NPAS3: variants seen among roughly 807,000 people sequenced by gnomAD.
NPAS3 encodes the protein neuronal PAS domain-containing protein 3.
In NPAS3, 14 loss-of-function variants were observed where a neutral mutation model predicts 73.1. The ratio of observed to expected loss-of-function variants is 0.19; its 90% CI spans 0.13 to 0.30. The LOEUF is 0.30. Ranked by LOEUF, NPAS3 falls within the 10% of genes least tolerant of loss-of-function variation. NPAS3 has a pLI of 1.00. For synonymous variants in NPAS3, 620 were observed against 541.5 expected (o/e 1.14, Z -2.01); for missense variants, 1,096 against 1,250.0 (o/e 0.88, Z 1.86).
chr14:33,062,388 A>G (rs912863434), intron 2 of NPAS3, among the ~76,000 whole-genome samples: 2 of 152,078 alleles, frequency 1.3e-5, no homozygotes, highest in African/African-American at 2.4e-5. Context: ...GACTCTCCCA[A>G]TGTGAAATCC....
intron 6 of NPAS3, among the ~76,000 whole-genome samples, chr14:33,723,437 G>A (rs758900598): frequency 2.0e-5 from 3 of 152,150 alleles, no homozygotes; most frequent in Non-Finnish European, 4.4e-5. Flanking sequence ...AAATTCAAAT[G>A]TAATGGGGCA....
chr14:33,474,067 G>T (rs1460998026), intron 4 of NPAS3, among the ~76,000 whole-genome samples: 2 of 152,150 alleles, frequency 1.3e-5, no homozygotes, highest in South Asian at 2.1e-4. Context: ...AGATCACTGA[G>T]ATCCTGCACC....
intron 3 of NPAS3, among the ~76,000 whole-genome samples, chr14:33,335,445 C>G (rs147786101): frequency 6.6e-6 from 1 of 152,076 alleles, no homozygotes; most frequent in African/African-American, 2.4e-5. Context: ...AGATGTCAGG[C>G]ATTTTGTTTG....
At chr14:33,481,360 T>G (rs1224226307) in intron 4 of NPAS3, among the ~76,000 whole-genome samples, 2 of 152,174 alleles carry the variant, frequency 1.3e-5, no homozygotes, top group Non-Finnish European at 2.9e-5. Flanking sequence ...TTAAGGAACA[T>G]TCAAATAAGG....
At chr14:33,430,355 A>G (rs1594893243) in intron 4 of NPAS3, among the ~76,000 whole-genome samples, 1 of 152,070 alleles carries the variant, frequency 6.6e-6, no homozygotes, top group East Asian at 1.9e-4. Flanking sequence ...ATAAACTGGT[A>G]GGTTATAGTT....
At chr14:33,771,966 A>G (rs973068800) in intron 7 of NPAS3, among the ~76,000 whole-genome samples, 2 of 152,224 alleles carry the variant, frequency 1.3e-5, no homozygotes, top group African/African-American at 4.8e-5. Flanking sequence ...GACTTTGGAC[A>G]GGGATGAGCC....
At chr14:33,358,532 C>T (rs1381752773) in intron 3 of NPAS3, among the ~76,000 whole-genome samples, 1 of 152,174 alleles carries the variant, frequency 6.6e-6, no homozygotes, top group Non-Finnish European at 1.5e-5. Context: ...GTTCACGTAA[C>T]TTCACTCCAT....
At chr14:33,425,803 T>C (rs575693457) in intron 4 of NPAS3, among the ~76,000 whole-genome samples, 1 of 152,182 alleles carries the variant, frequency 6.6e-6, no homozygotes, top group South Asian at 2.1e-4. Flanking sequence ...GAGAATGCAG[T>C]TATCAAACAT....
intron 6 of NPAS3, among the ~76,000 whole-genome samples, chr14:33,731,822 A>G (rs981431450): frequency 1.3e-5 from 2 of 152,246 alleles, no homozygotes; most frequent in Non-Finnish European, 2.9e-5. Context: ...TTTATTAAAA[A>G]GTTGAGACCT....
chr14:33,628,298 A>G (rs75812918), intron 5 of NPAS3, among the ~76,000 whole-genome samples: 3,499 of 152,332 alleles, frequency 0.023, 130 homozygotes, highest in African/African-American at 0.079. Context: ...TAGATCTATC[A>G]CAATGGGCTT....
chr14:33,309,478 C>T (rs41463953), intron 3 of NPAS3, among the ~76,000 whole-genome samples: 9,216 of 152,228 alleles, frequency 0.061, 644 homozygotes, highest in Admixed American at 0.2. Flanking sequence ...GTGGGCTGTG[C>T]GACTCTGCTG....
At chr14:33,152,153 G>A (rs1039759139) in intron 2 of NPAS3, among the ~76,000 whole-genome samples, 3 of 151,980 alleles carry the variant, frequency 2.0e-5, no homozygotes, top group African/African-American at 4.8e-5. Context: ...ACATCCTACA[G>A]TGCGCAGGAA....
At chr14:33,717,312 A>C (rs1414864108) in intron 6 of NPAS3, among the ~76,000 whole-genome samples, 1 of 151,304 alleles carries the variant, frequency 6.6e-6, no homozygotes, top group African/African-American at 2.4e-5. Flanking sequence ...CCTAGAGTTT[A>C]GTGACATAGG....
At chr14:33,602,637 C>A (rs1022811091) in intron 5 of NPAS3, among the ~76,000 whole-genome samples, 1 of 151,960 alleles carries the variant, frequency 6.6e-6, no homozygotes, top group Non-Finnish European at 1.5e-5. Flanking sequence ...GTTTTTTTTT[C>A]ATCCAGTGCT....
intron 5 of NPAS3, among the ~76,000 whole-genome samples, chr14:33,616,887 G>C (rs2057935984): frequency 6.6e-6 from 1 of 152,204 alleles, no homozygotes; most frequent in African/African-American, 2.4e-5. Flanking sequence ...CTTCTGTCAA[G>C]TGAGGAAAAG....
chr14:32,943,056 A>G (rs7144900), intron 1 of NPAS3, among the ~76,000 whole-genome samples: 2,144 of 152,274 alleles, frequency 0.014, 56 homozygotes, highest in African/African-American at 0.047. Context: ...CAGATTTCCA[A>G]TTTCTGATTT....
chr14:32,953,648 G>T (rs1267797880), intron 1 of NPAS3, among the ~76,000 whole-genome samples: 8 of 152,162 alleles, frequency 5.3e-5, no homozygotes, highest in Middle Eastern at 3.4e-3. Flanking sequence ...TTTAATGAAT[G>T]CCGGGTCGGA....
intron 2 of NPAS3, among the ~76,000 whole-genome samples, chr14:33,061,997 A>G (rs1285228693): frequency 1.3e-5 from 2 of 152,254 alleles, no homozygotes; most frequent in Middle Eastern, 3.4e-3. Flanking sequence ...GCAAATTGCA[A>G]AGGACACAGG....
intron 1 of NPAS3, among the ~76,000 whole-genome samples, chr14:32,971,233 C>T (rs936508062): frequency 4.0e-5 from 6 of 151,672 alleles, no homozygotes; most frequent in Non-Finnish European, 8.8e-5. Context: ...TACAGGCATG[C>T]GCCACCATGC....
Sources: gnomAD v4.1 joint callset for allele counts (sites outside exome capture counted in the v4.1 genomes callset) on GRCh38, gnomAD v4.1.1 for gene constraint, MANE v1.5 for transcripts, NCBI Gene and HGNC (gene_info 2026-07-23, HGNC 2026-07-21) for gene names.